Variants in MAGI1 observed in about 807,000 individuals in gnomAD.
The protein encoded by MAGI1 is membrane-associated guanylate kinase, WW and PDZ domain-containing protein 1.
A neutral mutation model predicts 139.9 loss-of-function variants in MAGI1; 58 were observed. The ratio of observed to expected loss-of-function variants is 0.41; its 90% CI spans 0.34 to 0.52. The LOEUF (loss-of-function observed/expected upper bound fraction) is 0.52. Ranked by LOEUF, MAGI1 falls within the 20% of genes least tolerant of loss-of-function variation. The pLI is 0.12. For missense variants in MAGI1, 1,874 were observed against 1,901.6 expected, an observed-to-expected ratio of 0.99 and a Z score of 0.27; for synonymous variants, 812 against 737.9, an observed-to-expected ratio of 1.10 and a Z score of -1.63.
chr3:65,602,672 G>A (rs1559710459), intron 2 of MAGI1, among the ~76,000 whole-genome samples: 1 of 151,856 alleles, frequency 6.6e-6, no homozygotes, highest in Non-Finnish European at 1.5e-5. Context: ...TTAAAAATAG[G>A]TCAATTATGT....
intron 1 of MAGI1, among the ~76,000 whole-genome samples, chr3:65,863,024 C>T (rs1431323307): frequency 6.6e-6 from 1 of 152,244 alleles, no homozygotes; most frequent in African/African-American, 2.4e-5. Context: ...AAGCCCCTTT[C>T]TCACCATGAA....
chr3:65,756,881 T>C (rs1394100104), intron 1 of MAGI1, among the ~76,000 whole-genome samples: 2 of 152,280 alleles, frequency 1.3e-5, no homozygotes, highest in Non-Finnish European at 2.9e-5. Context: ...CTATCCCTGA[T>C]GAAAAACAGA....
At chr3:65,455,826 CA>C (rs1949352658) in intron 5 of MAGI1, among the ~76,000 whole-genome samples, 1 of 152,198 alleles carries the variant, frequency 6.6e-6, no homozygotes, top group African/African-American at 2.4e-5. Context: ...CTTTTCCCCT[CA>C]GCATAATTCT....
At chr3:65,448,183 T>C in intron 6 of MAGI1, 126 bp from the exon 7 acceptor site, 1 of 845,078 alleles carries the variant, frequency 1.2e-6, no homozygotes, top group Non-Finnish European at 2.0e-6. Context: ...CATCCTTACC[T>C]GCATTGTGGC....
intron 12 of MAGI1, among the ~76,000 whole-genome samples, chr3:65,426,697 G>C (rs1947069201): frequency 6.6e-6 from 1 of 152,158 alleles, no homozygotes. Context: ...TGTCAGCCCT[G>C]ATTCAAGCAA....
intron 2 of MAGI1, among the ~76,000 whole-genome samples, chr3:65,614,575 A>G (rs1178145011): frequency 2.0e-5 from 3 of 152,162 alleles, no homozygotes; most frequent in Non-Finnish European, 4.4e-5. Context: ...AAAAAAAGGT[A>G]TCAATTTTTA....
intron 12 of MAGI1, among the ~76,000 whole-genome samples, chr3:65,405,954 C>G (rs1225611592): frequency 6.6e-6 from 1 of 152,158 alleles, no homozygotes; most frequent in East Asian, 1.9e-4. Flanking sequence ...TCTCGAACTC[C>G]TGACCTCATG....
intron 18 of MAGI1, among the ~76,000 whole-genome samples, chr3:65,371,214 A>C (rs1941957424): frequency 6.6e-6 from 1 of 152,208 alleles, no homozygotes; most frequent in Admixed American, 6.5e-5. Context: ...AACGTGTCTA[A>C]ATCCATACAC....
chr3:65,443,787 C>T (rs1475018834), intron 7 of MAGI1, among the ~76,000 whole-genome samples: 4 of 152,178 alleles, frequency 2.6e-5, no homozygotes, highest in African/African-American at 7.2e-5. Context: ...TGTAACACCA[C>T]ACTCTAAAGT....
chr3:65,937,898 A>C (rs2063140726), intron 1 of MAGI1, among the ~76,000 whole-genome samples: 1 of 152,202 alleles, frequency 6.6e-6, no homozygotes, highest in Non-Finnish European at 1.5e-5. Context: ...TTGTTGGAAA[A>C]TAAAATATGG....
chr3:65,590,793 C>A (rs976691692), intron 2 of MAGI1, among the ~76,000 whole-genome samples: 2 of 152,098 alleles, frequency 1.3e-5, no homozygotes, highest in Admixed American at 1.3e-4. Context: ...CTAGACAGAG[C>A]CTCTAAGGCC....
intron 1 of MAGI1, among the ~76,000 whole-genome samples, chr3:65,708,715 C>CA (rs11446717): frequency 0.41 from 62,643 of 151,680 alleles, 13,292 homozygotes; most frequent in African/African-American, 0.47. Flanking sequence ...AGAAAGAAAA[C>CA]GGGGGAAGGA....
chr3:65,818,938 A>G (rs375158524), intron 1 of MAGI1, among the ~76,000 whole-genome samples: 1 of 152,230 alleles, frequency 6.6e-6, no homozygotes. Context: ...ACTAGAAAAC[A>G]TATCTATTTA....
intron 1 of MAGI1, among the ~76,000 whole-genome samples, chr3:66,002,448 ATC>A (rs762153042): frequency 4.9e-4 from 74 of 152,130 alleles, no homozygotes; most frequent in African/African-American, 1.7e-3. Context: ...GGTGGTGAAG[ATC>A]TCTGTCTTTT....
chr3:65,496,388 C>A (rs1017728043), intron 2 of MAGI1, among the ~76,000 whole-genome samples: 1 of 152,022 alleles, frequency 6.6e-6, no homozygotes, highest in South Asian at 2.1e-4. Flanking sequence ...AACAAGTTTT[C>A]GGAGAGTAGG....
intron 1 of MAGI1, among the ~76,000 whole-genome samples, chr3:65,921,818 T>A (rs190412392): frequency 9.5e-4 from 144 of 151,592 alleles, no homozygotes; most frequent in African/African-American, 3.3e-3. Context: ...GGAAAGAAAG[T>A]TAGCCTGAGC....
intron 2 of MAGI1, among the ~76,000 whole-genome samples, chr3:65,538,724 C>T (rs755741397): frequency 7.9e-5 from 12 of 152,094 alleles, no homozygotes; most frequent in African/African-American, 2.2e-4. Flanking sequence ...CCACACCAGA[C>T]GGACAGGAAG....
At chr3:65,386,938 AGACTT>A (rs1943489219) in intron 14 of MAGI1, among the ~76,000 whole-genome samples, 1 of 152,184 alleles carries the variant, frequency 6.6e-6, no homozygotes, top group Non-Finnish European at 1.5e-5. Flanking sequence ...ACACATTTCC[AGACTT>A]GACAAGGGCA....
At chr3:65,923,965 T>G (rs1242719123) in intron 1 of MAGI1, among the ~76,000 whole-genome samples, 5 of 152,032 alleles carry the variant, frequency 3.3e-5, no homozygotes, top group Non-Finnish European at 7.4e-5. Context: ...TAACAGAAAA[T>G]AATTAAAGTG....
Sources: allele counts gnomAD v4.1 joint callset (sites outside exome capture counted in the v4.1 genomes callset), GRCh38; gene constraint gnomAD v4.1.1; transcripts MANE v1.5; gene names NCBI Gene and HGNC (gene_info 2026-07-23, HGNC 2026-07-21).